Variants in FILIP1L observed in about 807,000 individuals in gnomAD.
FILIP1L encodes filamin A interacting protein 1 like, also known as filamin A-interacting protein 1-like.
Under a neutral mutation model 96.6 loss-of-function variants are expected in FILIP1L, and 55 were observed. That is an observed-to-expected ratio of 0.57 (90% CI 0.46 to 0.71). The LOEUF (loss-of-function observed/expected upper bound fraction) is 0.71. FILIP1L is among the 30% of genes least tolerant of loss of function. FILIP1L has a pLI of 0.00. For synonymous variants in FILIP1L, 467 were observed against 473.9 expected, an observed-to-expected ratio of 0.99 and a Z score of 0.19; for missense variants, 1,304 against 1,321.2, an observed-to-expected ratio of 0.99 and a Z score of 0.20.
intron 1 of FILIP1L, among the ~76,000 whole-genome samples, chr3:99,976,313 A>G (rs1559710716): frequency 6.6e-6 from 1 of 152,218 alleles, no homozygotes; most frequent in African/African-American, 2.4e-5. Flanking sequence ...TTATAACCAA[A>G]TAATTATATA....
At chr3:99,854,877 G>A (rs980937893) in intron 4 of FILIP1L, among the ~76,000 whole-genome samples, 2 of 152,128 alleles carry the variant, frequency 1.3e-5, no homozygotes, top group Non-Finnish European at 2.9e-5. Context: ...CCTGCTAGTG[G>A]CCTATTCTTT....
chr3:99,953,986 G>A (rs1338291979), intron 1 of FILIP1L, among the ~76,000 whole-genome samples: 2 of 152,228 alleles, frequency 1.3e-5, no homozygotes. Context: ...CTTCTTAGAA[G>A]TTGCATTCCT....
In FILIP1L at chr3:99,953,430, T is replaced by G. The variant is rs74493452; in HGVS notation, c.-10-22400A>C. On this transcript the variant is annotated intron_variant, in intron 1 of 5. Transcript: ENST00000477258. ...GTGCAGAGGTTCTGAGGGTGCAGTT[T>G]GAGGTACAGATGCCTTTATGTCACT... 4.5e-3 allele frequency among the ~76,000 whole-genome samples: 685 copies of G among 152,300 alleles called. 7 individuals are homozygous for G. Among genetic ancestry groups the G allele is most frequent in the African/African-American group, 0.016 (671 of 41,556 alleles).
chr3:99,976,982 A>G (rs956018763), intron 1 of FILIP1L, among the ~76,000 whole-genome samples: 4 of 152,182 alleles, frequency 2.6e-5, no homozygotes, highest in Non-Finnish European at 4.4e-5. Context: ...CAGGAATTCT[A>G]TCCTCTTATT....
intron 1 of FILIP1L, among the ~76,000 whole-genome samples, chr3:99,951,007 T>C (rs1458884371): frequency 6.6e-6 from 1 of 152,224 alleles, no homozygotes; most frequent in East Asian, 1.9e-4. Flanking sequence ...CCCTGCTTGG[T>C]TTGGCCCACA....
At chr3:99,905,406 C>T (rs1706582149) in intron 4 of FILIP1L, among the ~76,000 whole-genome samples, 1 of 152,212 alleles carries the variant, frequency 6.6e-6, no homozygotes, top group South Asian at 2.1e-4. Context: ...ATTGCTCTTA[C>T]TAGGACTAAT....
chr3:99,957,693 C>CTTTTTATTTTT (rs1708365092), intron 1 of FILIP1L, among the ~76,000 whole-genome samples: 1 of 19,894 alleles, frequency 5.0e-5, no homozygotes, highest in Non-Finnish European at 1.1e-4. Context: ...TTCTTTCTTT[C>CTTTTTATTTTT]TTTTTTTTTT....
intron 1 of FILIP1L, among the ~76,000 whole-genome samples, chr3:99,979,767 T>G (rs566304172): frequency 6.6e-6 from 1 of 152,308 alleles, no homozygotes; most frequent in South Asian, 2.1e-4. Flanking sequence ...TGTAAGGATA[T>G]AAAGAGGAAT....
intron 1 of FILIP1L, among the ~76,000 whole-genome samples, chr3:99,950,460 T>C (rs1708142468): frequency 2.6e-5 from 4 of 152,222 alleles, no homozygotes; most frequent in African/African-American, 9.6e-5. Flanking sequence ...ATGATGCACA[T>C]GTCCTATTCC....
At chr3:99,924,474 A>G (rs1707226103) in intron 3 of FILIP1L, 66 bp from the exon 4 acceptor site, 1 of 1,444,138 alleles carries the variant, frequency 6.9e-7, no homozygotes, top group Non-Finnish European at 9.6e-7. Flanking sequence ...TCACTCTTTT[A>G]GAAATGTCCC....
At chr3:99,948,810 C>G (rs1708093012) in intron 1 of FILIP1L, among the ~76,000 whole-genome samples, 1 of 151,296 alleles carries the variant, frequency 6.6e-6, no homozygotes, top group Non-Finnish European at 1.5e-5. Flanking sequence ...AAGAAGAGAG[C>G]CTCAGAATCA....
intron 1 of FILIP1L, among the ~76,000 whole-genome samples, chr3:100,022,284 C>T (rs1439463310): frequency 6.6e-6 from 1 of 152,126 alleles, no homozygotes; most frequent in East Asian, 1.9e-4. Flanking sequence ...TCCATTGGTC[C>T]TCCACTCCAC....
intron 4 of FILIP1L, chr3:99,876,171 T>C (rs902856426): frequency 8.1e-6 from 8 of 985,370 alleles, no homozygotes; most frequent in Non-Finnish European, 9.6e-6. Context: ...GCCCGAACAA[T>C]GCGAGCGGGG....
intron 1 of FILIP1L, among the ~76,000 whole-genome samples, chr3:100,064,866 T>G (rs2065636126): frequency 6.6e-6 from 1 of 151,826 alleles, no homozygotes; most frequent in Non-Finnish European, 1.5e-5. Context: ...AGGGCAGAGA[T>G]TTGGCCAGGG....
intron 1 of FILIP1L, among the ~76,000 whole-genome samples, chr3:100,010,444 G>T (rs866907202): frequency 4.6e-5 from 7 of 152,052 alleles, no homozygotes; most frequent in African/African-American, 1.4e-4. Flanking sequence ...GCTCCAAGAA[G>T]TAGAGAAGTT....
At chr3:99,832,712 A>C in intron 5 of FILIP1L, among the ~76,000 whole-genome samples, 1 of 88,086 alleles carries the variant, frequency 1.1e-5, no homozygotes, top group Non-Finnish European at 2.2e-5. Flanking sequence ...GTCGTGGCGC[A>C]CTCCTGTAAT....
intron 1 of FILIP1L, among the ~76,000 whole-genome samples, chr3:100,027,894 G>GA (rs2064956008): frequency 6.6e-6 from 1 of 152,180 alleles, no homozygotes; most frequent in South Asian, 2.1e-4. Flanking sequence ...GAGTGAGAGG[G>GA]AAAGTGGTCA....
At chr3:100,076,579 G>A (rs1354245903) in intron 1 of FILIP1L, among the ~76,000 whole-genome samples, 2 of 152,194 alleles carry the variant, frequency 1.3e-5, no homozygotes, top group Admixed American at 6.5e-5. Flanking sequence ...CCCACTGAAT[G>A]TCAGTCTTCT....
rs78070875 is a variant in FILIP1L, at chr3:99,838,865, C to A, written c.3382-8260G>T. ...GTTTTTTGCCCTCTCTTTTATGTTA[C>A]CTCACTATGCAGAAACCTTCTGTGA... On this transcript the variant is annotated intron_variant, in intron 5 of 5. Transcript: ENST00000477258. Among the ~76,000 whole-genome samples the A allele has an allele frequency of 3.8e-3, 576 of 152,166 alleles. 3 individuals are homozygous for A. Among genetic ancestry groups the A allele is most frequent in the African/African-American group, 0.013 (548 of 41,506 alleles).
Sources: gnomAD v4.1 joint callset for allele counts (sites outside exome capture counted in the v4.1 genomes callset) on GRCh38, gnomAD v4.1.1 for gene constraint, MANE v1.5 for transcripts, NCBI Gene and HGNC (gene_info 2026-07-23, HGNC 2026-07-21) for gene names.